The following HDX variants were observed in gnomAD, a reference collection of about 807,000 sequenced individuals.
HDX encodes the protein highly divergent homeobox.
In HDX, 19 loss-of-function variants were observed where a neutral mutation model predicts 45.2. The observed-to-expected ratio is 0.42, with a 90% CI of 0.29 to 0.62. The LOEUF is 0.62. HDX is among the 20% of genes least tolerant of loss of function. HDX has a pLI of 0.20. For missense variants in HDX, 532 were observed against 493.9 expected (o/e 1.08, Z -0.73); for synonymous variants, 188 against 172.8 (o/e 1.09, Z -0.69).
rs760869168 is a variant in HDX, at chrX:84,356,977, C to T, written c.1452+4489G>A. Among the ~76,000 whole-genome samples the T allele has an allele frequency of 1.3e-4, 15 of 111,269 alleles. No individual in the cohort carries two copies. In the East Asian group the frequency reaches 4.3e-3, roughly 32 times the overall value. ...GTGTATGTTTTTAAAGAGATTCTGT[C>T]CGTGTCTCCTCTCTTGCAGTATGGC... On this transcript the variant is annotated intron_variant, in intron 6 of 10. Coordinates refer to ENST00000373177, the MANE Select transcript of HDX (RefSeq NM_001177479.2).
intron 5 of HDX, among the ~76,000 whole-genome samples, chrX:84,394,178 G>A (rs1455979632): frequency 9.0e-6 from 1 of 111,270 alleles, no homozygotes; most frequent in Non-Finnish European, 1.9e-5. Context: ...TATGCCATAT[G>A]TTTAAGTATG....
intron 5 of HDX, among the ~76,000 whole-genome samples, chrX:84,405,625 G>A (rs1298826620): frequency 8.5e-5 from 7 of 82,357 alleles, no homozygotes; most frequent in Non-Finnish European, 1.6e-4. Flanking sequence ...ATTTGGAACT[G>A]TGGATCAAGA....
chrX:84,441,325 C>A (rs889450879), intron 4 of HDX, among the ~76,000 whole-genome samples: 1 of 111,321 alleles, frequency 9.0e-6, no homozygotes, highest in Non-Finnish European at 1.9e-5. Context: ...AAACACATTA[C>A]CTCTATTTAC....
rs1471779979 is a variant in HDX at position 84,384,354 on chromosome X, C to A, written c.1306-22742G>T. On this transcript the variant is annotated intron_variant, in intron 5 of 10. Coordinates refer to ENST00000373177, the MANE Select transcript of HDX (RefSeq NM_001177479.2). ...CTGCTTATATGCCTCCTTTTCGTGT[C>A]TTTGCCCATTTTGTATTGGGGTTGT... Among the ~76,000 whole-genome samples the A allele has an allele frequency of 5.5e-5, 6 of 110,029 alleles. No homozygotes were observed. In the Admixed American group the frequency reaches 5.8e-4, roughly 11 times the overall value.
At chrX:84,485,610 C>T (rs1381738948) in intron 2 of HDX, among the ~76,000 whole-genome samples, 1 of 111,522 alleles carries the variant, frequency 9.0e-6, no homozygotes, top group African/African-American at 3.3e-5. Flanking sequence ...GTTGGCCAGG[C>T]TGGTCTTGAA....
chrX:84,441,194 C>T (rs189214492), intron 4 of HDX, among the ~76,000 whole-genome samples: 1 of 111,594 alleles, frequency 9.0e-6, no homozygotes, highest in East Asian at 2.8e-4. Flanking sequence ...CTGCAAGTTA[C>T]TGTAACCATG....
chrX:84,342,595 G>T (rs766531308), intron 7 of HDX, among the ~76,000 whole-genome samples: 2 of 110,322 alleles, frequency 1.8e-5, no homozygotes, highest in African/African-American at 6.6e-5. Context: ...CCAACTCACT[G>T]GTAAAAGATG....
intron 5 of HDX, among the ~76,000 whole-genome samples, chrX:84,371,090 T>C (rs984418306): frequency 8.9e-6 from 1 of 112,087 alleles, no homozygotes; most frequent in Non-Finnish European, 1.9e-5. Context: ...GTTTTTATTA[T>C]GTGGAGCACA....
chrX:84,492,312 A>C (rs1274840519), intron 1 of HDX, among the ~76,000 whole-genome samples: 2 of 110,177 alleles, frequency 1.8e-5, no homozygotes, highest in Non-Finnish European at 3.8e-5. Flanking sequence ...TTGTGTTTAG[A>C]TATTTAAGGT....
At chrX:84,342,798 TC>T (rs760781177) in intron 7 of HDX, among the ~76,000 whole-genome samples, 136 of 111,307 alleles carry the variant, frequency 1.2e-3, no homozygotes, top group African/African-American at 4.2e-3. Flanking sequence ...AAGACTGTAA[TC>T]ATGACCCAAG....
At chrX:84,431,184 T>G (rs1360654926) in intron 5 of HDX, among the ~76,000 whole-genome samples, 1 of 105,915 alleles carries the variant, frequency 9.4e-6, no homozygotes, top group African/African-American at 3.7e-5. Flanking sequence ...CCATATTGCC[T>G]TTTTTTTTAT....
chrX:84,362,425 T>C (rs750172290), intron 5 of HDX, among the ~76,000 whole-genome samples: 1 of 111,106 alleles, frequency 9.0e-6, no homozygotes, highest in African/African-American at 3.3e-5. Context: ...AATAGAAATA[T>C]CTGAGTTTTT....
At chrX:84,471,437 T>TTATATA (rs890622223) in intron 3 of HDX, among the ~76,000 whole-genome samples, 1 of 105,806 alleles carries the variant, frequency 9.5e-6, no homozygotes, top group African/African-American at 3.4e-5. Context: ...ATTTTATATA[T>TTATATA]TATATATATA....
intron 6 of HDX, among the ~76,000 whole-genome samples, chrX:84,357,657 T>C (rs1201381641): frequency 9.0e-6 from 1 of 111,641 alleles, no homozygotes; most frequent in East Asian, 2.8e-4. Flanking sequence ...CAATAGACTA[T>C]GCCCAACATT....
intron 7 of HDX, among the ~76,000 whole-genome samples, chrX:84,338,015 A>G (rs1361018290): frequency 9.0e-6 from 1 of 111,541 alleles, no homozygotes; most frequent in African/African-American, 3.2e-5. Flanking sequence ...GATTATTTGA[A>G]TAAATACTAG....
chrX:84,497,115 A>G (rs1257323721), intron 1 of HDX, among the ~76,000 whole-genome samples: 1 of 111,874 alleles, frequency 8.9e-6, no homozygotes, highest in Non-Finnish European at 1.9e-5. Context: ...TTCAACTTCC[A>G]CAATGATTGT....
intron 4 of HDX, among the ~76,000 whole-genome samples, chrX:84,467,981 T>C (rs2040384155): frequency 8.9e-6 from 1 of 111,879 alleles, no homozygotes; most frequent in Non-Finnish European, 1.9e-5. Context: ...TTTACATTTC[T>C]AAAAAGCAGT....
At chrX:84,344,511 T>C (rs11798023) in intron 6 of HDX, 54 bp from the exon 7 acceptor site, 128 of 823,525 alleles carry the variant, frequency 1.6e-4, no homozygotes, top group Non-Finnish European at 2.2e-4. Context: ...ACTTAGCAGT[T>C]CTAGCCAGTA....
chrX:84,328,308 G>C (rs1263213754), intron 9 of HDX, among the ~76,000 whole-genome samples: 1 of 110,911 alleles, frequency 9.0e-6, no homozygotes, highest in Non-Finnish European at 1.9e-5. Context: ...AGAGTTTGAG[G>C]TTGTGGTGAG....
Sources: gnomAD v4.1 joint callset for allele counts (sites outside exome capture counted in the v4.1 genomes callset) on GRCh38, gnomAD v4.1.1 for gene constraint, MANE v1.5 for transcripts, NCBI Gene and HGNC (gene_info 2026-07-23, HGNC 2026-07-21) for gene names.